PMS1: variants seen among roughly 807,000 people sequenced by gnomAD.
PMS1 encodes PMS1 homolog 1, mismatch repair system component, also known as PMS1 protein homolog 1.
PMS1 carries 79 observed loss-of-function variants against 93.1 expected under a neutral mutation model. The ratio of observed to expected loss-of-function variants is 0.85; its 90% confidence interval spans 0.71 to 1.02. The LOEUF (loss-of-function observed/expected upper bound fraction) is 1.02, where lower values mean the gene tolerates loss of function less well. Ranked by LOEUF, PMS1 falls within the 50% of genes least tolerant of loss-of-function variation. The pLI, the probability that PMS1 is intolerant of heterozygous loss-of-function variation, is 0.00. For synonymous variants in PMS1, 335 were observed against 363.4 expected (o/e 0.92, Z 0.89); for missense variants, 1,064 against 1,085.3 (o/e 0.98, Z 0.28).
chr2:189,833,262 T>C (rs2053110910), intron 5 of PMS1, among the ~76,000 whole-genome samples: 1 of 152,202 alleles, frequency 6.6e-6, no homozygotes, highest in Non-Finnish European at 1.5e-5. Flanking sequence ...CAAAATTTGC[T>C]TTCCATTAGT....
At chr2:189,823,649 T>C (rs540125075) in intron 5 of PMS1, among the ~76,000 whole-genome samples, 7 of 152,346 alleles carry the variant, frequency 4.6e-5, no homozygotes, top group Admixed American at 4.6e-4. Context: ...AAAAAAAGTA[T>C]TTATTGAATA....
In PMS1 at chr2:189,877,359, T is replaced by A; in HGVS notation, c.2722T>A (p.Phe908Ile). 1 of 1,613,398 alleles carries A rather than the reference T, an allele frequency of 6.2e-7. No homozygotes were observed. The highest frequency in any genetic ancestry group is 1.1e-5 in the South Asian group (1 of 91,072). ...QDIIYRMKHQ[F>I]GNEIKECVHG... is the part of the protein sequence containing the mutation. ...CATTATCTACAGAATGAAGCACCAGTTTGGAAATGAAATTAAAGAGTGTGT... is the reference window on the plus strand; with the variant it reads ...CATTATCTACAGAATGAAGCACCAGATTGGAAATGAAATTAAAGAGTGTGT... The change falls in exon 13 of 13, where the codon TTT becomes ATT. Residue 908 changes from phenylalanine (F) to isoleucine (I), a missense_variant. Physicochemically the swap from Phe to Ile is conservative, Grantham distance 21. Transcript: ENST00000441310.
chr2:189,828,048 C>T (rs543848627), intron 5 of PMS1, among the ~76,000 whole-genome samples: 48 of 152,072 alleles, frequency 3.2e-4, no homozygotes, highest in African/African-American at 1.1e-3. Context: ...CTCAGCCTCC[C>T]GAATAGCTGG....
chr2:189,836,035 A>G (rs997087534), intron 5 of PMS1, among the ~76,000 whole-genome samples: 2 of 152,104 alleles, frequency 1.3e-5, no homozygotes, highest in Non-Finnish European at 2.9e-5. Context: ...CTAGGCCAAT[A>G]ATATATCCTC....
chr2:189,863,949 AAAG>A lies in PMS1; in HGVS notation c.2067_2069del (p.Arg690del), dbSNP rs777263508. The A allele has an allele frequency of 7.0e-5, 112 of 1,610,418 alleles. No homozygotes were observed. In the African/African-American group the frequency reaches 7.1e-4, roughly 10 times the overall value. ...GAACTCCTTCAGTCCCAAATTGAAA[AAAG>A]AAGGAGTCAAAATATTAAAATGGTA... On this transcript the variant is annotated inframe_deletion, in exon 10 of 13. Coordinates refer to ENST00000441310, the MANE Select transcript of PMS1 (RefSeq NM_000534.5).
rs756748934 is a variant in PMS1, at chr2:189,860,201, C to T, written c.1857-3542C>T. 8.5e-4 allele frequency among the ~76,000 whole-genome samples: 129 copies of T among 152,202 alleles called. 1 individual carries two copies. The highest frequency in any genetic ancestry group is 1.6e-3 in the Non-Finnish European group (108 of 68,034). On this transcript the variant is annotated intron_variant, in intron 9 of 12. Transcript: ENST00000441310. ...CAAACAAAATAGAGAACATCTCCAT[C>T]ATCCCAGAATGGTTCCTCATGCCAC... is the stretch of plus-strand genomic sequence containing the variant.
chr2:189,849,735 C>T (rs894328623), intron 6 of PMS1, among the ~76,000 whole-genome samples: 1 of 152,160 alleles, frequency 6.6e-6, no homozygotes, highest in African/African-American at 2.4e-5. Context: ...ATGCATGCCT[C>T]ATCCTGCCAA....
intron 5 of PMS1, among the ~76,000 whole-genome samples, chr2:189,823,744 A>G (rs1329131020): frequency 1.3e-5 from 2 of 151,744 alleles, no homozygotes; most frequent in Non-Finnish European, 2.9e-5. Flanking sequence ...ATCGTTTCCC[A>G]CATATAAAGT....
At chr2:189,868,015 A>G (rs2056812785) in intron 11 of PMS1, 86 bp downstream of exon 11, 11 of 1,145,108 alleles carry the variant, frequency 9.6e-6, no homozygotes, top group African/African-American at 1.5e-5. Context: ...ATTTACAGAT[A>G]TGGTGGTATA....
rs148745528 is a variant in PMS1, at chr2:189,854,056, A to G, written c.940A>G (p.Lys314Glu). 3.1e-6 allele frequency: 5 copies of G among 1,600,452 alleles called. No individual in the cohort carries two copies. The highest frequency in any genetic ancestry group is 4.3e-6 in the Non-Finnish European group (5 of 1,172,440). ...ADVDVNLTPD[K>E]SQVLLQNKES... ...TGTTGATGTAAATTTAACACCAGAT[A>G]AAAGCCAAGTATTATTACAAAATAA... The change falls in exon 8 of 13, where the codon AAA becomes GAA. Residue 314 changes from lysine to glutamate, a missense_variant. Transcript: ENST00000441310.
At position 189,854,706 on chromosome 2, in the gene PMS1, T is replaced by C. The variant is rs2055133934; in HGVS notation, c.1434T>C (p.Ser478=). ...ENGNKDHIDE[S]GENEEEAGLE... Reference sequence around the variant, plus strand: ...GCAATAAAGACCATATAGATGAGAGTGGGGAAAATGAGGAAGAAGCAGGTC... The same window carrying C: ...GCAATAAAGACCATATAGATGAGAGCGGGGAAAATGAGGAAGAAGCAGGTC... The change falls in exon 9 of 13, where the codon AGT becomes AGC. Residue 478 remains serine (S), a synonymous_variant. Coordinates refer to ENST00000441310, the MANE Select transcript of PMS1 (RefSeq NM_000534.5). 10 of 1,613,274 alleles carry C rather than the reference T, an allele frequency of 6.2e-6. No individual in the cohort carries two copies. The highest frequency in any genetic ancestry group is 8.5e-6 in the Non-Finnish European group (10 of 1,179,778).
chr2:189,785,603 CAG>C (rs1001416479), intron 1 of PMS1: 5 of 152,144 alleles, frequency 3.3e-5, no homozygotes, highest in South Asian at 2.1e-4. Context: ...GAGCAACAGA[CAG>C]AAACACATAT....
intron 12 of PMS1, among the ~76,000 whole-genome samples, chr2:189,875,034 A>G (rs1199053349): frequency 2.0e-5 from 3 of 151,942 alleles, no homozygotes; most frequent in Non-Finnish European, 4.4e-5. Flanking sequence ...GGGCTAGGAA[A>G]AAAAAAGAGA....
chr2:189,872,472 G>T (rs2057232463), intron 11 of PMS1, among the ~76,000 whole-genome samples: 1 of 152,020 alleles, frequency 6.6e-6, no homozygotes, highest in Non-Finnish European at 1.5e-5. Flanking sequence ...TAGACTTCAT[G>T]AAAGAACACT....
intron 6 of PMS1, among the ~76,000 whole-genome samples, chr2:189,847,868 C>T (rs1435305528): frequency 6.6e-6 from 1 of 152,042 alleles, no homozygotes; most frequent in African/African-American, 2.4e-5. Flanking sequence ...ATGTCCCTTC[C>T]CATTCTCTTT....
chr2:189,829,350 A>G (rs914094413), intron 5 of PMS1, among the ~76,000 whole-genome samples: 2 of 152,088 alleles, frequency 1.3e-5, no homozygotes, highest in Non-Finnish European at 2.9e-5. Context: ...TCCTTCTCTA[A>G]TCACTACCTG....
chr2:189,785,668 C>T (rs2048246651), intron 1 of PMS1, among the ~76,000 whole-genome samples: 1 of 152,090 alleles, frequency 6.6e-6, no homozygotes, highest in South Asian at 2.1e-4. Flanking sequence ...AGGGGGACTG[C>T]AGGGGAAGGA....
At chr2:189,855,386 T>C (rs1476574294) in intron 9 of PMS1, among the ~76,000 whole-genome samples, 1 of 151,852 alleles carries the variant, frequency 6.6e-6, no homozygotes, top group Non-Finnish European at 1.5e-5. Context: ...TTAAATTTTT[T>C]GCTAAAGGTT....
chr2:189,798,213 A>C (rs2049535145), intron 3 of PMS1, among the ~76,000 whole-genome samples: 3 of 152,200 alleles, frequency 2.0e-5, no homozygotes, highest in African/African-American at 7.2e-5. Context: ...GCCACTGTAA[A>C]GTCGAAAAAT....
Sources: allele counts gnomAD v4.1 joint callset (sites outside exome capture counted in the v4.1 genomes callset), GRCh38; gene constraint gnomAD v4.1.1; transcripts MANE v1.5; gene names NCBI Gene and HGNC (gene_info 2026-07-23, HGNC 2026-07-21).